The following FNDC3B variants were observed in gnomAD, a reference collection of about 807,000 sequenced individuals.
FNDC3B encodes the protein fibronectin type III domain-containing protein 3B.
In FNDC3B, 12 loss-of-function variants were observed where a neutral mutation model predicts 151.5. That is an observed-to-expected ratio of 0.08 (90% CI 0.05 to 0.13). The LOEUF is 0.13. Among genes scored for constraint, FNDC3B ranks in the 10% least tolerant of loss-of-function variants. FNDC3B has a pLI of 1.00. For synonymous variants in FNDC3B, 528 were observed against 549.0 expected, an observed-to-expected ratio of 0.96 and a Z score of 0.54; for missense variants, 1,214 against 1,505.3, an observed-to-expected ratio of 0.81 and a Z score of 3.20.
At chr3:172,249,260 C>T (rs13099331) in intron 5 of FNDC3B, among the ~76,000 whole-genome samples, 16,982 of 152,116 alleles carry the variant, frequency 0.11, 1,288 homozygotes, top group East Asian at 0.31. Flanking sequence ...CTTATTTTAG[C>T]AGTCTGTTAG....
chr3:172,248,367 T>A (rs922367426), intron 5 of FNDC3B, among the ~76,000 whole-genome samples: 1 of 152,190 alleles, frequency 6.6e-6, no homozygotes, highest in East Asian at 1.9e-4. Context: ...TTTCACTGAT[T>A]GTTAGGCAAA....
chr3:172,256,427 T>C (rs1728349787), intron 6 of FNDC3B, among the ~76,000 whole-genome samples: 1 of 152,258 alleles, frequency 6.6e-6, no homozygotes, highest in Non-Finnish European at 1.5e-5. Context: ...CCACAGATGT[T>C]CAAGGACAGG....
At chr3:172,338,290 GT>G (rs1297572582) in intron 16 of FNDC3B, 1 of 134,988 alleles carries the variant, frequency 7.4e-6, no homozygotes, top group Non-Finnish European at 1.5e-5. Flanking sequence ...CTCCAGCCTG[GT>G]GACAGAGTGA....
chr3:172,245,885 A>G (rs1727748731), intron 4 of FNDC3B, among the ~76,000 whole-genome samples: 1 of 152,234 alleles, frequency 6.6e-6, no homozygotes, highest in Non-Finnish European at 1.5e-5. Context: ...AACACAGTAG[A>G]AACATTTATT....
chr3:172,288,351 A>G (rs953218460), intron 7 of FNDC3B, among the ~76,000 whole-genome samples: 3 of 152,244 alleles, frequency 2.0e-5, no homozygotes, highest in African/African-American at 7.2e-5. Context: ...GGTAAATGCC[A>G]CAAGGTAACA....
In FNDC3B at chr3:172,273,434, G is replaced by A. The variant is rs1729294958; in HGVS notation, c.791-12492G>A. ...CCTAATCACAGGCTCCCTGCTCCCT[G>A]TATATTCCCCGCACCCATGACTACT... On this transcript the variant is annotated intron_variant, in intron 6 of 25. Coordinates refer to ENST00000415807, the MANE Select transcript of FNDC3B (RefSeq NM_022763.4). Among the ~76,000 whole-genome samples, 3 of 152,156 alleles carry A rather than the reference G, an allele frequency of 2.0e-5. No individual in the cohort carries two copies. The South Asian group carries it at 6.2e-4, about 32-fold the overall frequency.
chr3:172,103,507 A>T (rs976667502), intron 1 of FNDC3B, among the ~76,000 whole-genome samples: 1 of 152,130 alleles, frequency 6.6e-6, no homozygotes, highest in Non-Finnish European at 1.5e-5. Flanking sequence ...ATTTAAAATT[A>T]TGCCAAGCCA....
At chr3:172,215,120 A>G (rs73025487) in intron 3 of FNDC3B, among the ~76,000 whole-genome samples, 25,520 of 152,306 alleles carry the variant, frequency 0.17, 3,202 homozygotes, top group African/African-American at 0.35. Flanking sequence ...TAATAATTTC[A>G]GCACTATTTG....
rs575065387 is a variant in FNDC3B at position 172,232,720 on chromosome 3, AAGCACTTGTG to A, written c.264+5776_264+5785del. On this transcript the variant is annotated intron_variant, in intron 4 of 25. Coordinates refer to ENST00000415807, the MANE Select transcript of FNDC3B (RefSeq NM_022763.4). ...CACAGTCATCATCTCCATTATGTAA[AAGCACTTGTG>A]AGTGTGATTAGAGTTGAAACTGAAG... 7.1e-3 allele frequency among the ~76,000 whole-genome samples: 1,084 copies of A among 152,278 alleles called. 5 individuals carry two copies. Among genetic ancestry groups the A allele is most frequent in the Non-Finnish European group, 0.01 (705 of 68,026 alleles).
At chr3:172,265,805 A>G (rs901714111) in intron 6 of FNDC3B, among the ~76,000 whole-genome samples, 1 of 152,232 alleles carries the variant, frequency 6.6e-6, no homozygotes, top group Non-Finnish European at 1.5e-5. Flanking sequence ...CACTGTACAT[A>G]GTACCTACTA....
At chr3:172,195,044 A>G (rs1055708602) in intron 3 of FNDC3B, among the ~76,000 whole-genome samples, 5 of 152,254 alleles carry the variant, frequency 3.3e-5, no homozygotes, top group African/African-American at 1.2e-4. Context: ...CTAAGTCTGT[A>G]AAAACTGAAA....
intron 1 of FNDC3B, among the ~76,000 whole-genome samples, chr3:172,085,568 G>A (rs571544852): frequency 2.0e-5 from 3 of 152,228 alleles, no homozygotes; most frequent in Admixed American, 1.3e-4. Context: ...TTTTTTGAAA[G>A]GAAATAAAGG....
intron 3 of FNDC3B, among the ~76,000 whole-genome samples, chr3:172,203,612 T>C (rs921585628): frequency 1.3e-5 from 2 of 152,240 alleles, no homozygotes; most frequent in Admixed American, 6.5e-5. Flanking sequence ...ATCTTTTCGC[T>C]GATTTTCTTT....
At chr3:172,132,336 A>G (rs1721145635) in intron 2 of FNDC3B, among the ~76,000 whole-genome samples, 1 of 152,230 alleles carries the variant, frequency 6.6e-6, no homozygotes, top group African/African-American at 2.4e-5. Flanking sequence ...GTCAATTTCT[A>G]GAAATTATAT....
intron 3 of FNDC3B, among the ~76,000 whole-genome samples, chr3:172,190,296 C>T (rs533921233): frequency 3.3e-5 from 5 of 152,248 alleles, no homozygotes; most frequent in Middle Eastern, 6.8e-3. Flanking sequence ...CAGATAGCAG[C>T]GTGTCCTGTC....
chr3:172,271,851 C>T (rs1342445957), intron 6 of FNDC3B, among the ~76,000 whole-genome samples: 2 of 152,198 alleles, frequency 1.3e-5, no homozygotes, highest in Non-Finnish European at 2.9e-5. Context: ...GGGTAGTACA[C>T]TGACAATTTG....
chr3:172,284,402 A>G (rs374971143), intron 6 of FNDC3B, among the ~76,000 whole-genome samples: 12 of 152,186 alleles, frequency 7.9e-5, no homozygotes, highest in Non-Finnish European at 1.2e-4. Context: ...GTCTTCCTCA[A>G]TCTTATGTTT....
chr3:172,092,398 C>A (rs963185398), intron 1 of FNDC3B, among the ~76,000 whole-genome samples: 1 of 152,216 alleles, frequency 6.6e-6, no homozygotes, highest in African/African-American at 2.4e-5. Context: ...TATTTAGCTT[C>A]CCCACACATT....
At chr3:172,303,744 G>C (rs1309944980) in intron 9 of FNDC3B, among the ~76,000 whole-genome samples, 1 of 151,592 alleles carries the variant, frequency 6.6e-6, no homozygotes, top group African/African-American at 2.4e-5. Flanking sequence ...AAAAATTGCA[G>C]TATTCTTTTA....
Sources: gnomAD v4.1 joint callset for allele counts (sites outside exome capture counted in the v4.1 genomes callset) on GRCh38, gnomAD v4.1.1 for gene constraint, MANE v1.5 for transcripts, NCBI Gene and HGNC (gene_info 2026-07-23, HGNC 2026-07-21) for gene names.